The following C10orf90 variants were observed in gnomAD, a reference collection of about 807,000 sequenced individuals.
C10orf90 encodes the protein (E2-independent) E3 ubiquitin-conjugating enzyme FATS.
A neutral mutation model predicts 62.5 loss-of-function variants in C10orf90; 56 were observed. The observed-to-expected ratio is 0.90, with a 90% CI of 0.72 to 1.12. The LOEUF (loss-of-function observed/expected upper bound fraction) is 1.12. Ranked by LOEUF, C10orf90 falls within the 50% of genes most tolerant of loss-of-function variation. The pLI is 0.00. For synonymous variants in C10orf90, 386 were observed against 340.4 expected (o/e 1.13, Z -1.47); for missense variants, 970 against 880.4 (o/e 1.10, Z -1.29).
intron 4 of C10orf90, among the ~76,000 whole-genome samples, chr10:126,474,581 A>T (rs1860755585): frequency 6.6e-6 from 1 of 152,238 alleles, no homozygotes; most frequent in Non-Finnish European, 1.5e-5. Context: ...ACAGATGTAA[A>T]TGCATATATA....
At chr10:126,526,081 A>C (rs142932726) in intron 2 of C10orf90, among the ~76,000 whole-genome samples, 1 of 151,524 alleles carries the variant, frequency 6.6e-6, no homozygotes, top group Non-Finnish European at 1.5e-5. Flanking sequence ...AGAGGCAAAG[A>C]GGGGCAGGGC....
At chr10:126,431,966 G>C (rs1402988496) in intron 7 of C10orf90, among the ~76,000 whole-genome samples, 1 of 152,170 alleles carries the variant, frequency 6.6e-6, no homozygotes, top group Non-Finnish European at 1.5e-5. Flanking sequence ...GGGCCCAGCA[G>C]CCCATGTTAG....
intron 2 of C10orf90, among the ~76,000 whole-genome samples, chr10:126,631,514 G>T (rs1419684653): frequency 6.6e-6 from 1 of 151,966 alleles, no homozygotes; most frequent in Non-Finnish European, 1.5e-5. Flanking sequence ...TTGCTTGTTT[G>T]TCCACTTGAT....
chr10:126,477,616 A>G (rs1860957369), intron 4 of C10orf90, among the ~76,000 whole-genome samples: 1 of 152,240 alleles, frequency 6.6e-6, no homozygotes, highest in African/African-American at 2.4e-5. Context: ...CTTACATGTT[A>G]GCATTAGGGA....
Position 126,576,709 on chromosome 10 carries a change from A to C in C10orf90, c.314-62770T>G. Among the ~76,000 whole-genome samples, 2 of 39,824 alleles carry C rather than the reference A, an allele frequency of 5.0e-5. 1 individual carries two copies. The highest frequency in any genetic ancestry group is 1.3e-3 in the South Asian group (2 of 1,550). The allele number at this position is 39,824 out of a possible 152,430, so 26.1% of individuals were successfully genotyped here. The stretch of plus-strand genomic sequence containing the variant: ...CATATACATGTATATGTATATGTAT[A>C]TATATACAAGATATACATATATATG... On this transcript the variant is annotated intron_variant, in intron 2 of 9. Transcript: ENST00000488181.
intron 4 of C10orf90, among the ~76,000 whole-genome samples, chr10:126,482,217 G>A (rs956574677): frequency 2.6e-5 from 4 of 152,090 alleles, no homozygotes; most frequent in Non-Finnish European, 4.4e-5. Flanking sequence ...CCTTTCTTTT[G>A]TTATAGGGGT....
intron 3 of C10orf90, among the ~76,000 whole-genome samples, chr10:126,508,167 G>T (rs1042473475): frequency 1.3e-5 from 2 of 150,942 alleles, no homozygotes; most frequent in African/African-American, 4.9e-5. Context: ...GTGAGAGAGA[G>T]AGAGAGAGAG....
At chr10:126,604,096 C>T (rs925431189) in intron 2 of C10orf90, among the ~76,000 whole-genome samples, 4 of 152,158 alleles carry the variant, frequency 2.6e-5, no homozygotes, top group Admixed American at 6.5e-5. Context: ...AGTTCCTGCC[C>T]GGAGGCTTCC....
chr10:126,592,174 C>A (rs755003431), intron 2 of C10orf90, among the ~76,000 whole-genome samples: 1 of 152,102 alleles, frequency 6.6e-6, no homozygotes, highest in Non-Finnish European at 1.5e-5. Flanking sequence ...CATTGACATT[C>A]TTCACAAAAT....
intron 4 of C10orf90, among the ~76,000 whole-genome samples, chr10:126,491,955 C>T (rs1207458352): frequency 6.6e-6 from 1 of 152,140 alleles, no homozygotes; most frequent in Non-Finnish European, 1.5e-5. Flanking sequence ...CTTTCTAAGC[C>T]TGTCTGTGAA....
At position 126,662,998 on chromosome 10, in the gene C10orf90, C is replaced by T. The variant is rs535271366; in HGVS notation, c.240+7243G>A. 3.6e-4 allele frequency among the ~76,000 whole-genome samples: 55 copies of T among 152,354 alleles called. 1 individual carries two copies. Among genetic ancestry groups the T allele is most frequent in the African/African-American group, 1.3e-3 (55 of 41,588 alleles). ...TCCTCTGTGTCCCCGGCACCTACCA[C>T]AGTTCCTGGCACACAGTAGGTCCTT... On this transcript the variant is annotated intron_variant, in intron 1 of 9. Coordinates refer to ENST00000488181, the MANE Select transcript of C10orf90 (RefSeq NM_001350921.2).
chr10:126,438,283 T>C (rs115285156), intron 7 of C10orf90, among the ~76,000 whole-genome samples: 1,627 of 152,306 alleles, frequency 0.011, 26 homozygotes, highest in African/African-American at 0.035. Flanking sequence ...AAGACCACTT[T>C]CTGACAGTGC....
At chr10:126,597,632 G>T (rs1156819461) in intron 2 of C10orf90, among the ~76,000 whole-genome samples, 1 of 152,228 alleles carries the variant, frequency 6.6e-6, no homozygotes, top group Non-Finnish European at 1.5e-5. Context: ...ACCAACAAGT[G>T]ATGATCATGG....
At chr10:126,484,388 G>A (rs913274475) in intron 4 of C10orf90, among the ~76,000 whole-genome samples, 2 of 152,108 alleles carry the variant, frequency 1.3e-5, no homozygotes, top group Non-Finnish European at 2.9e-5. Context: ...CCCTAATGAT[G>A]TAAAAGAGTT....
At chr10:126,514,079 C>G in intron 2 of C10orf90, 140 bp from the exon 3 acceptor site, 1 of 614,608 alleles carries the variant, frequency 1.6e-6, no homozygotes. Flanking sequence ...CTAACCATGA[C>G]AAAACCTTGT....
chr10:126,584,465 C>A (rs1057466184), intron 2 of C10orf90, among the ~76,000 whole-genome samples: 13 of 152,110 alleles, frequency 8.5e-5, no homozygotes, highest in Non-Finnish European at 5.9e-5. Context: ...TCTGTCTATC[C>A]AGCTATAGAG....
At chr10:126,574,104 T>A (rs775954336) in intron 2 of C10orf90, among the ~76,000 whole-genome samples, 1 of 152,168 alleles carries the variant, frequency 6.6e-6, no homozygotes, top group African/African-American at 2.4e-5. Flanking sequence ...ATTGTATGAG[T>A]GAGGATGCCC....
At chr10:126,560,163 T>C (rs1402453620) in intron 2 of C10orf90, among the ~76,000 whole-genome samples, 1 of 152,188 alleles carries the variant, frequency 6.6e-6, no homozygotes, top group Non-Finnish European at 1.5e-5. Context: ...ACAGTTCCCC[T>C]TGGCCAGCAA....
At chr10:126,513,996 T>C in intron 2 of C10orf90, 57 bp from the exon 3 acceptor site, 1 of 1,216,678 alleles carries the variant, frequency 8.2e-7, no homozygotes, top group Non-Finnish European at 1.2e-6. Context: ...TAAAATGGAA[T>C]ATATAACTCT....
Sources: gnomAD v4.1 joint callset for allele counts (sites outside exome capture counted in the v4.1 genomes callset) on GRCh38, gnomAD v4.1.1 for gene constraint, MANE v1.5 for transcripts, NCBI Gene and HGNC (gene_info 2026-07-23, HGNC 2026-07-21) for gene names.